Variants in RNFT1 observed in about 807,000 individuals in gnomAD.
RNFT1 encodes ring finger protein, transmembrane 1, also known as E3 ubiquitin-protein ligase RNFT1.
Under a neutral mutation model 53.2 loss-of-function variants are expected in RNFT1, and 35 were observed. That is an observed-to-expected ratio of 0.66 (90% CI 0.50 to 0.87). The LOEUF (loss-of-function observed/expected upper bound fraction) is 0.87. Among genes scored for constraint, RNFT1 ranks in the 40% least tolerant of loss-of-function variants. RNFT1 has a pLI of 0.00. For synonymous variants in RNFT1, 141 were observed against 172.8 expected (o/e 0.82, Z 1.44); for missense variants, 421 against 515.0 (o/e 0.82, Z 1.77).
rs2145120572 is a variant in RNFT1 at position 59,962,909 on chromosome 17, G to A, written c.432C>T (p.Phe144=). The change falls in exon 2 of 9, where the codon TTC becomes TTT. Residue 144 remains phenylalanine, a synonymous_variant. Transcript: ENST00000305783. ...TTTGCAGCCACTTGAAGAGATAGCG[G>A]AATTCTGAGAAGGAGCTACTACCAT... ...GDHGSSSFSE[F]RYLFKWLQKS... 6.2e-7 allele frequency: 1 copy of A among 1,614,198 alleles called. No homozygotes were observed. The highest frequency in any genetic ancestry group is 8.5e-7 in the Non-Finnish European group (1 of 1,180,028).
intron 1 of RNFT1, 82 bp downstream of exon 1, chr17:59,964,526 C>G (rs2045320178): frequency 3.7e-6 from 5 of 1,336,824 alleles, no homozygotes; most frequent in Admixed American, 4.5e-5. Context: ...ACGTCCGAGC[C>G]TCGAGTGCCT....
At chr17:59,961,384 T>C (rs1163398776) in intron 3 of RNFT1, among the ~76,000 whole-genome samples, 1 of 152,192 alleles carries the variant, frequency 6.6e-6, no homozygotes, top group African/African-American at 2.4e-5. Flanking sequence ...TTACTAATTT[T>C]AAATCATTAA....
In RNFT1 at chr17:59,955,774, T is replaced by TC. The variant is rs1366180860; in HGVS notation, c.1071+713dup. Among the ~76,000 whole-genome samples, 4 of 152,086 alleles carry TC rather than the reference T, an allele frequency of 2.6e-5. No homozygotes were observed. The East Asian group carries it at 7.7e-4, about 29-fold the overall frequency. ...TTCGGTTGGCATTCTTTTAAGTCAG[T>TC]CTCCTTGGGCCCTGATGAAATGACT... is the stretch of plus-strand genomic sequence containing the variant. On this transcript the variant is annotated intron_variant, in intron 7 of 8. Coordinates refer to ENST00000305783, the MANE Select transcript of RNFT1 (RefSeq NM_016125.4).
chr17:59,959,433 G>A (rs866051282), intron 4 of RNFT1: 3 of 152,306 alleles, frequency 2.0e-5, no homozygotes, highest in South Asian at 4.1e-4. Context: ...ATTTGACATG[G>A]AGACTTATCA....
chr17:59,952,861 C>G lies in RNFT1; in HGVS notation c.*116G>C. ...TGAATTGGATCATAAGTCCTACATTCTAAAACCATCTGGAAACATTTTTCT... is the reference window on the plus strand; with the variant it reads ...TGAATTGGATCATAAGTCCTACATTGTAAAACCATCTGGAAACATTTTTCT... On this transcript the variant is annotated 3_prime_UTR_variant, in exon 9 of 9. Coordinates refer to ENST00000305783, the MANE Select transcript of RNFT1 (RefSeq NM_016125.4). 1.0e-6 allele frequency: 1 copy of G among 984,494 alleles called. No homozygotes were observed. The highest frequency in any genetic ancestry group is 1.5e-6 in the Non-Finnish European group (1 of 677,432). 61.0% of individuals were successfully genotyped at this position (984,494 alleles called of 1,614,324 possible).
rs1382033415 is a variant in RNFT1, at chr17:59,958,271, A to G, written c.846+20T>C. Reference sequence around the variant, plus strand: ...TGATTCGATAACATCACTCCAATAAAGCATAAGTGAGTTTCTTACCTTAGA... The same window carrying G: ...TGATTCGATAACATCACTCCAATAAGGCATAAGTGAGTTTCTTACCTTAGA... On this transcript the variant is annotated intron_variant, in intron 5 of 8. Coordinates refer to ENST00000305783, the MANE Select transcript of RNFT1 (RefSeq NM_016125.4). 1 of 1,572,672 alleles carries G rather than the reference A, an allele frequency of 6.4e-7. No homozygotes were observed. Among genetic ancestry groups the G allele is most frequent in the Non-Finnish European group, 8.6e-7 (1 of 1,168,910 alleles).
chr17:59,955,096 G>T (rs901046676), intron 7 of RNFT1, among the ~76,000 whole-genome samples: 2 of 152,060 alleles, frequency 1.3e-5, no homozygotes, highest in Non-Finnish European at 2.9e-5. Context: ...CGGTCATGAG[G>T]GTAAAGCATG....
Position 59,952,770 on chromosome 17 carries a change from G to A in RNFT1, c.*207C>T, listed in dbSNP as rs1331093696. Reference sequence around the variant, plus strand: ...AAATAATTAGAATAGAATAAATGTTGCATATACATTAGGTTGAACATTATA... The same window carrying A: ...AAATAATTAGAATAGAATAAATGTTACATATACATTAGGTTGAACATTATA... On this transcript the variant is annotated 3_prime_UTR_variant, in exon 9 of 9. Coordinates refer to ENST00000305783, the MANE Select transcript of RNFT1 (RefSeq NM_016125.4). 2 of 406,430 alleles carry A rather than the reference G, an allele frequency of 4.9e-6. No homozygotes were observed. Among genetic ancestry groups the A allele is most frequent in the African/African-American group, 4.1e-5 (2 of 48,954 alleles). The allele number at this position is 406,430 out of a possible 1,614,324, so 25.2% of individuals were successfully genotyped here. A position where few individuals can be genotyped will look rare whatever the true frequency, so the allele number is the denominator to read the frequency against.
chr17:59,958,875 T>C (rs1352472164), intron 4 of RNFT1, among the ~76,000 whole-genome samples: 1 of 152,210 alleles, frequency 6.6e-6, no homozygotes, highest in Non-Finnish European at 1.5e-5. Context: ...CCTGAATAAT[T>C]TTCTTTCTAG....
In RNFT1 at chr17:59,957,355, A is replaced by G. The variant is rs1415700586; in HGVS notation, c.874T>C (p.Leu292=). ...ACAAAAGTTCGGTAGTATTGACACA[A>G]TTCTTCTAAAAGCATATACCAGTAA... is the stretch of plus-strand genomic sequence containing the variant. ...KGYWYMLLEE[L]CQYYRTFVPI... The change falls in exon 6 of 9, where the codon TTG becomes CTG. Residue 292 remains leucine (L), a synonymous_variant. Coordinates refer to ENST00000305783, the MANE Select transcript of RNFT1 (RefSeq NM_016125.4). 1 of 1,613,554 alleles carries G rather than the reference A, an allele frequency of 6.2e-7. No individual in the cohort carries two copies. Among genetic ancestry groups the G allele is most frequent in the Admixed American group, 1.7e-5 (1 of 59,882 alleles).
chr17:59,963,823 C>A (rs1323857059), intron 1 of RNFT1, among the ~76,000 whole-genome samples: 1 of 152,146 alleles, frequency 6.6e-6, no homozygotes, highest in Non-Finnish European at 1.5e-5. Context: ...ATTAGATTTT[C>A]TGCTCAAGCA....
chr17:59,956,564 A>T lies in RNFT1; in HGVS notation c.1006-11T>A. 1 of 1,606,844 alleles carries T rather than the reference A, an allele frequency of 6.2e-7. No individual in the cohort carries two copies. The highest frequency in any genetic ancestry group is 2.2e-5 in the East Asian group (1 of 44,710). On this transcript the variant is annotated splice_polypyrimidine_tract_variant and intron_variant, in intron 6 of 8. Transcript: ENST00000305783. ...AAAAAATTCCAAAAGCTGAAAAGAGAAATAAGAGATCATTTATTAATTCAA... is the reference window on the plus strand; with the variant it reads ...AAAAAATTCCAAAAGCTGAAAAGAGTAATAAGAGATCATTTATTAATTCAA...
At chr17:59,962,777 A>C in intron 2 of RNFT1, 50 bp downstream of exon 2, 1 of 1,517,120 alleles carries the variant, frequency 6.6e-7, no homozygotes, top group South Asian at 1.2e-5. Context: ...ATGAAAGAAA[A>C]TTAACTGAAT....
At chr17:59,958,485 CAAAGAT>C (rs761379781) in intron 4 of RNFT1, 41 bp from the exon 5 acceptor site, 13 of 1,423,612 alleles carry the variant, frequency 9.1e-6, no homozygotes, top group Non-Finnish European at 1.3e-5. Flanking sequence ...GAGCAACATA[CAAAGAT>C]AAAGTATTAA....
At chr17:59,958,518 G>T in intron 4 of RNFT1, 74 bp from the exon 5 acceptor site, 1 of 1,173,598 alleles carries the variant, frequency 8.5e-7, no homozygotes. Context: ...GTTTTAATTT[G>T]CTACAAATAT....
intron 3 of RNFT1, among the ~76,000 whole-genome samples, chr17:59,961,033 C>CT (rs527562328): frequency 0.18 from 25,282 of 143,160 alleles, 3,090 homozygotes; most frequent in African/African-American, 0.35. Flanking sequence ...TGTAATCTCC[C>CT]TTTTTTTTTT....
intron 6 of RNFT1, 104 bp downstream of exon 6, chr17:59,957,120 G>T: frequency 9.1e-7 from 1 of 1,100,028 alleles, no homozygotes; most frequent in South Asian, 1.6e-5. Context: ...TCAAACTAGT[G>T]ATATGAAGAT....
At chr17:59,963,677 A>G (rs1322054994) in intron 1 of RNFT1, among the ~76,000 whole-genome samples, 3 of 152,206 alleles carry the variant, frequency 2.0e-5, no homozygotes, top group African/African-American at 7.2e-5. Context: ...TCTACATCAA[A>G]GAAGTTTCAT....
chr17:59,961,020 A>G (rs2045287974), intron 3 of RNFT1, among the ~76,000 whole-genome samples: 1 of 150,026 alleles, frequency 6.7e-6, no homozygotes, highest in South Asian at 2.1e-4. Context: ...CCTCCCAAGT[A>G]GTTGTAATCT....
Sources: allele counts gnomAD v4.1 joint callset (sites outside exome capture counted in the v4.1 genomes callset), GRCh38; gene constraint gnomAD v4.1.1; transcripts MANE v1.5; gene names NCBI Gene and HGNC (gene_info 2026-07-23, HGNC 2026-07-21).